The following LIPK variants were observed in gnomAD, a reference collection of about 807,000 sequenced individuals.
LIPK encodes the protein lipase family member K.
In LIPK, 32 loss-of-function variants were observed where a neutral mutation model predicts 48.6. That is an observed-to-expected ratio of 0.66 (90% CI 0.50 to 0.88). The LOEUF is 0.88. Ranked by LOEUF, LIPK falls within the 40% of genes least tolerant of loss-of-function variation. LIPK has a pLI of 0.00. For synonymous variants in LIPK, 164 were observed against 157.4 expected, an observed-to-expected ratio of 1.04 and a Z score of -0.32; for missense variants, 507 against 478.5, an observed-to-expected ratio of 1.06 and a Z score of -0.56.
At position 88,732,265 on chromosome 10, in the gene LIPK, C is replaced by A; in HGVS notation, c.510C>A (p.Gly170=). Reference sequence around the variant, plus strand: ...GACAGAAGCGACTCTACTACGTGGGCCACTCACAAGGCACCACCATAGGTG... The same window carrying A: ...GACAGAAGCGACTCTACTACGTGGGACACTCACAAGGCACCACCATAGGTG... ...KTGQKRLYYV[G]HSQGTTIAFI... The change falls in exon 5 of 10, where the codon GGC becomes GGA. Residue 170 remains glycine, a synonymous_variant. Transcript: ENST00000404190. 6.2e-7 allele frequency: 1 copy of A among 1,613,688 alleles called. No homozygotes were observed. The highest frequency in any genetic ancestry group is 8.5e-7 in the Non-Finnish European group (1 of 1,179,754).
intron 9 of LIPK, among the ~76,000 whole-genome samples, chr10:88,744,174 C>T (rs1842730811): frequency 6.6e-6 from 1 of 152,222 alleles, no homozygotes. Flanking sequence ...CCTGGCTGCA[C>T]CTGCTTGCAG....
At chr10:88,710,918 C>T (rs562621221) in intron 1 of LIPK, among the ~76,000 whole-genome samples, 1 of 152,200 alleles carries the variant, frequency 6.6e-6, no homozygotes, top group African/African-American at 2.4e-5. Context: ...ATATATATCC[C>T]ATCATCAATA....
intron 6 of LIPK, among the ~76,000 whole-genome samples, chr10:88,736,489 T>A (rs1191070714): frequency 2.0e-5 from 3 of 152,252 alleles, no homozygotes; most frequent in Non-Finnish European, 2.9e-5. Flanking sequence ...TTTAAAATTA[T>A]GTTGACATTT....
intron 1 of LIPK, among the ~76,000 whole-genome samples, chr10:88,712,465 A>AGGT (rs1842043501): frequency 6.6e-6 from 1 of 152,188 alleles, no homozygotes. Flanking sequence ...CATAATGTGG[A>AGGT]CCTAACATTT....
At chr10:88,731,928 G>A (rs892606658) in intron 4 of LIPK, among the ~76,000 whole-genome samples, 9 of 152,174 alleles carry the variant, frequency 5.9e-5, no homozygotes, top group African/African-American at 1.7e-4. Context: ...AAGTGAATAC[G>A]ACTAGCCTTG....
At chr10:88,713,964 A>AAAAAT (rs984353578) in intron 1 of LIPK, among the ~76,000 whole-genome samples, 13 of 151,966 alleles carry the variant, frequency 8.6e-5, no homozygotes, top group South Asian at 6.2e-4. Flanking sequence ...AAATAAAAAT[A>AAAAAT]AAAATAAAAT....
intron 3 of LIPK, chr10:88,728,611 T>G: frequency 2.1e-6 from 1 of 481,416 alleles, no homozygotes; most frequent in Non-Finnish European, 4.1e-6. Context: ...AATGTCAAGC[T>G]GGCCTTGGGC....
Position 88,752,769 on chromosome 10 carries a change from T to C in LIPK, c.*13T>C, listed in dbSNP as rs1249913041. On this transcript the variant is annotated 3_prime_UTR_variant, in exon 10 of 10. Transcript: ENST00000404190. ...TTTACAAAATTAAATGCACTTTACT[T>C]TCTCTAAGCAAGTGGATTTTCATAA... 49 of 1,522,082 alleles carry C rather than the reference T, an allele frequency of 3.2e-5. No homozygotes were observed. The highest frequency in any genetic ancestry group is 4.3e-5 in the Non-Finnish European group (48 of 1,122,424). The allele number at this position is 1,522,082 out of a possible 1,614,324, so 94.3% of individuals were successfully genotyped here.
In LIPK at chr10:88,751,912, C is replaced by T. The variant is rs925200354; in HGVS notation, c.961-605C>T. 2.6e-5 allele frequency among the ~76,000 whole-genome samples: 4 copies of T among 152,218 alleles called. No individual in the cohort carries two copies. The East Asian group carries it at 5.8e-4, about 22-fold the overall frequency. On this transcript the variant is annotated intron_variant, in intron 9 of 9. Coordinates refer to ENST00000404190, the MANE Select transcript of LIPK (RefSeq NM_001080518.2). ...TCACTGTGACCTGAAGAATGGAGGA[C>T]GAATTGGCCAGACCTGGTTACCTGG...
In LIPK at chr10:88,722,889, C is replaced by CTTTTTTTTTTTTTTTTTTTTT. The variant is rs398014386; in HGVS notation, c.-11-1632_-11-1631insTTTTTTTTTTTTTTTTTTTTT. Among the ~76,000 whole-genome samples the CTTTTTTTTTTTTTTTTTTTTT allele has an allele frequency of 5.5e-4, 62 of 113,158 alleles. 1 individual carries two copies. Among genetic ancestry groups the CTTTTTTTTTTTTTTTTTTTTT allele is most frequent in the African/African-American group, 9.4e-4 (26 of 27,550 alleles). 74.2% of individuals were successfully genotyped at this position (113,158 alleles called of 152,430 possible). A position where few individuals can be genotyped will look rare whatever the true frequency, so the allele number is the denominator to read the frequency against. On this transcript the variant is annotated intron_variant, in intron 1 of 9. Coordinates refer to ENST00000404190, the MANE Select transcript of LIPK (RefSeq NM_001080518.2). ...AATTGTTTTTCTTCTTTTCTTTTTTCTTTTTTTTTTTTGACAGGGTTTCAC... is the reference window on the plus strand; with the variant it reads ...AATTGTTTTTCTTCTTTTCTTTTTTCTTTTTTTTTTTTTTTTTTTTTTTTTTTTTTTTTGACAGGGTTTCAC...
chr10:88,737,700 G>T lies in LIPK; in HGVS notation c.735G>T (p.Val245=). 1 of 1,613,796 alleles carries T rather than the reference G, an allele frequency of 6.2e-7. No individual in the cohort carries two copies. Among genetic ancestry groups the T allele is most frequent in the South Asian group, 1.1e-5 (1 of 91,076 alleles). The change falls in exon 7 of 10, where the codon GTG becomes GTT. Residue 245 remains valine (V), a synonymous_variant. Coordinates refer to ENST00000404190, the MANE Select transcript of LIPK (RefSeq NM_001080518.2). ...TLFDQFIATK[V]CNRKLFRRIC... is the part of the protein sequence containing the mutation. ...TTGACCAATTCATTGCCACCAAAGT[G>T]TGCAATCGAAAGCTATTCCGTCGTA...
At chr10:88,738,243 A>G (rs753370849) in intron 7 of LIPK, among the ~76,000 whole-genome samples, 1 of 152,216 alleles carries the variant, frequency 6.6e-6, no homozygotes, top group Non-Finnish European at 1.5e-5. Context: ...CTACAAATTT[A>G]TTGTTCAAGG....
intron 1 of LIPK, among the ~76,000 whole-genome samples, chr10:88,706,786 G>T (rs12571524): frequency 0.2 from 30,424 of 152,050 alleles, 3,968 homozygotes; most frequent in East Asian, 0.49. Context: ...ATCTGCAGGG[G>T]AATATGAAGC....
chr10:88,729,380 A>T (rs438177), intron 3 of LIPK, among the ~76,000 whole-genome samples: 37,510 of 151,970 alleles, frequency 0.25, 4,834 homozygotes, highest in East Asian at 0.36. Flanking sequence ...TATCAGAAAG[A>T]CTATTTATTT....
rs534518639 is a variant in LIPK, at chr10:88,719,703, C to T, written c.-11-4830C>T. 1.1e-4 allele frequency among the ~76,000 whole-genome samples: 17 copies of T among 152,234 alleles called. No homozygotes were observed. In the South Asian group the frequency reaches 1.9e-3, roughly 17 times the overall value. On this transcript the variant is annotated intron_variant, in intron 1 of 9. Transcript: ENST00000404190. Reference sequence around the variant, plus strand: ...TCTGGCCAATTCTCACCTCCATTTACGAATACAGTGAAGAATTAGGGTGGG... The same window carrying T: ...TCTGGCCAATTCTCACCTCCATTTATGAATACAGTGAAGAATTAGGGTGGG...
At chr10:88,717,154 T>C (rs1842134987) in intron 1 of LIPK, among the ~76,000 whole-genome samples, 1 of 152,206 alleles carries the variant, frequency 6.6e-6, no homozygotes, top group Non-Finnish European at 1.5e-5. Context: ...TTCATTTAAA[T>C]AGTAAACATA....
chr10:88,732,587 A>G, intron 6 of LIPK, 36 bp downstream of exon 6: 2 of 1,569,586 alleles, frequency 1.3e-6, no homozygotes, highest in Non-Finnish European at 1.7e-6. Context: ...TGAAATAACT[A>G]AAAGTAGCTC....
chr10:88,714,860 ATTTT>A (rs1035224958), intron 1 of LIPK, among the ~76,000 whole-genome samples: 5 of 151,890 alleles, frequency 3.3e-5, no homozygotes, highest in African/African-American at 1.2e-4. Flanking sequence ...ATGTTTATTT[ATTTT>A]ATTATTTCCT....
chr10:88,739,023 C>T (rs1842628779), intron 7 of LIPK, among the ~76,000 whole-genome samples: 1 of 152,126 alleles, frequency 6.6e-6, no homozygotes, highest in Non-Finnish European at 1.5e-5. Context: ...GTTTCTGATG[C>T]TTACTTTGGT....
Sources: allele counts gnomAD v4.1 joint callset (sites outside exome capture counted in the v4.1 genomes callset), GRCh38; gene constraint gnomAD v4.1.1; transcripts MANE v1.5; gene names NCBI Gene and HGNC (gene_info 2026-07-23, HGNC 2026-07-21).